The following IPCEF1 variants were observed in gnomAD, a reference collection of about 807,000 sequenced individuals.
IPCEF1 encodes interactor protein for cytohesin exchange factors 1.
In IPCEF1, 31 loss-of-function variants were observed where a neutral mutation model predicts 50.9. The observed-to-expected ratio is 0.61, with a 90% CI of 0.46 to 0.82. The LOEUF (loss-of-function observed/expected upper bound fraction) is 0.82, where lower values mean the gene tolerates loss of function less well. IPCEF1 is among the 40% of genes least tolerant of loss of function. The pLI is 0.00. For synonymous variants in IPCEF1, 181 were observed against 192.0 expected (o/e 0.94, Z 0.47); for missense variants, 458 against 514.0 (o/e 0.89, Z 1.05).
At chr6:154,283,524 G>A (rs918428614) in intron 2 of IPCEF1, among the ~76,000 whole-genome samples, 1 of 151,960 alleles carries the variant, frequency 6.6e-6, no homozygotes, top group Admixed American at 6.6e-5. Flanking sequence ...TGTGAACCTG[G>A]GAGGTGGAGC....
chr6:154,206,483 A>G (rs1400896503), intron 9 of IPCEF1, among the ~76,000 whole-genome samples: 1 of 152,260 alleles, frequency 6.6e-6, no homozygotes, highest in Admixed American at 6.5e-5. Flanking sequence ...AGGCACAGTC[A>G]TAAATGATGT....
intron 3 of IPCEF1, among the ~76,000 whole-genome samples, chr6:154,260,172 A>T (rs1178896546): frequency 1.3e-5 from 2 of 152,226 alleles, no homozygotes; most frequent in Non-Finnish European, 2.9e-5. Flanking sequence ...TATTAGACAG[A>T]TCATCCCACA....
intron 1 of IPCEF1, among the ~76,000 whole-genome samples, chr6:154,321,324 G>C (rs370438576): frequency 4.6e-5 from 7 of 152,054 alleles, no homozygotes; most frequent in African/African-American, 1.4e-4. Flanking sequence ...ATTTTAGAAG[G>C]TAAGTAACTA....
chr6:154,343,034 T>C (rs2128698645), intron 1 of IPCEF1, among the ~76,000 whole-genome samples: 1 of 152,262 alleles, frequency 6.6e-6, no homozygotes, highest in East Asian at 1.9e-4. Context: ...GAGGATCACT[T>C]GAGCCCAGGA....
chr6:154,200,454 C>T (rs1776970149), intron 9 of IPCEF1, among the ~76,000 whole-genome samples: 1 of 152,224 alleles, frequency 6.6e-6, no homozygotes, highest in Non-Finnish European at 1.5e-5. Context: ...GGTGCGATGG[C>T]TCATGCCTGT....
At chr6:154,179,429 G>GA (rs149074278) in intron 10 of IPCEF1, among the ~76,000 whole-genome samples, 7,459 of 152,144 alleles carry the variant, frequency 0.049, 297 homozygotes, top group South Asian at 0.19. Flanking sequence ...AAAGAGCGAG[G>GA]AAAAAAGATT....
chr6:154,263,143 T>G (rs1781645537), intron 3 of IPCEF1, among the ~76,000 whole-genome samples: 1 of 152,118 alleles, frequency 6.6e-6, no homozygotes, highest in African/African-American at 2.4e-5. Flanking sequence ...GAACTTCAAC[T>G]TCCTTACTCT....
intron 2 of IPCEF1, among the ~76,000 whole-genome samples, chr6:154,282,336 A>G (rs987494342): frequency 4.6e-5 from 7 of 152,204 alleles, no homozygotes; most frequent in Non-Finnish European, 8.8e-5. Flanking sequence ...GGAAGAGATT[A>G]CAATGTCATC....
intron 10 of IPCEF1, among the ~76,000 whole-genome samples, chr6:154,194,631 T>C (rs1357666391): frequency 6.6e-6 from 1 of 152,152 alleles, no homozygotes; most frequent in Non-Finnish European, 1.5e-5. Flanking sequence ...CCCAGTGACT[T>C]CCTACCACCT....
chr6:154,249,517 G>A (rs9322454), intron 3 of IPCEF1, among the ~76,000 whole-genome samples: 18,482 of 152,088 alleles, frequency 0.12, 2,096 homozygotes, highest in East Asian at 0.67. Context: ...AGAAAAGGGC[G>A]TTGTTAACAG....
chr6:154,177,914 A>T (rs71567969), intron 10 of IPCEF1, among the ~76,000 whole-genome samples: 8,613 of 152,290 alleles, frequency 0.057, 292 homozygotes, highest in African/African-American at 0.067. Flanking sequence ...AATAGACTAG[A>T]TAAAGACAAT....
chr6:154,203,222 C>T (rs1777214661), intron 9 of IPCEF1, among the ~76,000 whole-genome samples: 1 of 152,132 alleles, frequency 6.6e-6, no homozygotes, highest in African/African-American at 2.4e-5. Context: ...TCCTCTCCGC[C>T]CCACCTCTAC....
chr6:154,238,038 C>A (rs1203865130), intron 5 of IPCEF1, among the ~76,000 whole-genome samples: 1 of 152,086 alleles, frequency 6.6e-6, no homozygotes, highest in African/African-American at 2.4e-5. Flanking sequence ...AATCAACTAT[C>A]ATATATGCAT....
At chr6:154,297,481 C>T (rs1232985673) in intron 1 of IPCEF1, among the ~76,000 whole-genome samples, 2 of 152,222 alleles carry the variant, frequency 1.3e-5, no homozygotes, top group African/African-American at 2.4e-5. Context: ...ATTCAGGGCT[C>T]ATGGTCACCA....
At chr6:154,293,448 T>C (rs1030432994) in intron 1 of IPCEF1, among the ~76,000 whole-genome samples, 4 of 152,234 alleles carry the variant, frequency 2.6e-5, no homozygotes, top group East Asian at 1.9e-4. Flanking sequence ...CAAGCTAAGA[T>C]AACAGATCAA....
At chr6:154,202,232 A>G (rs1777128073) in intron 9 of IPCEF1, among the ~76,000 whole-genome samples, 1 of 152,184 alleles carries the variant, frequency 6.6e-6, no homozygotes, top group Non-Finnish European at 1.5e-5. Context: ...CTCAATAATC[A>G]TATACTGGCA....
intron 3 of IPCEF1, among the ~76,000 whole-genome samples, chr6:154,265,420 A>AAGTGATGGAAGT (rs1251484653): frequency 3.3e-5 from 5 of 151,928 alleles, no homozygotes; most frequent in Non-Finnish European, 5.9e-5. Context: ...AACTGGGATT[A>AAGTGATGGAAGT]CAGGCGCACA....
intron 10 of IPCEF1, among the ~76,000 whole-genome samples, chr6:154,180,414 A>ATATATATATATTTTTTTT (rs1241250621): frequency 1.5e-5 from 1 of 65,268 alleles, no homozygotes; most frequent in Admixed American, 1.4e-4. Context: ...ATATATATAT[A>ATATATATATATTTTTTTT]TTTTTTTTTT....
intron 10 of IPCEF1, among the ~76,000 whole-genome samples, chr6:154,179,184 T>G (rs1283458154): frequency 1.3e-5 from 2 of 152,152 alleles, no homozygotes; most frequent in Non-Finnish European, 2.9e-5. Context: ...AAGGTACAAG[T>G]GCAAAAGAAA....
Sources: gnomAD v4.1 joint callset for allele counts (sites outside exome capture counted in the v4.1 genomes callset) on GRCh38, gnomAD v4.1.1 for gene constraint, MANE v1.5 for transcripts, NCBI Gene and HGNC (gene_info 2026-07-23, HGNC 2026-07-21) for gene names.